MYH7: variants seen among roughly 807,000 people sequenced by gnomAD.
MYH7 encodes the protein myosin heavy chain 7.
A neutral mutation model predicts 225.4 loss-of-function variants in MYH7; 129 were observed. The ratio of observed to expected loss-of-function variants is 0.57; its 90% confidence interval spans 0.50 to 0.66. The LOEUF (loss-of-function observed/expected upper bound fraction) is 0.66, where lower values mean the gene tolerates loss of function less well. MYH7 is among the 30% of genes least tolerant of loss of function. The pLI is 0.00. For synonymous variants in MYH7, 971 were observed against 1,007.6 expected (o/e 0.96, Z 0.69); for missense variants, 1,649 against 2,517.0 (o/e 0.66, Z 7.38).
In MYH7 at chr14:23,425,223, T is replaced by C. The variant is rs1892646190; in HGVS notation, c.2423+59A>G. 1 of 1,613,902 alleles carries C rather than the reference T, an allele frequency of 6.2e-7. No homozygotes were observed. Among genetic ancestry groups the C allele is most frequent in the Non-Finnish European group, 8.5e-7 (1 of 1,179,878 alleles). The stretch of plus-strand genomic sequence containing the variant: ...TCTGCTGAGCTTTTTTTCCTGACAC[T>C]GCCCCTGAACCAGCCTGGGCCTCAG... On this transcript the variant is annotated intron_variant, in intron 21 of 39. Transcript: ENST00000355349. The surrounding 1 kb of genome is among the most constrained non-coding windows in gnomAD (Gnocchi z 4.6).
Position 23,433,844 on chromosome 14 carries a change from AG to A in MYH7, c.-8-105del. The A allele has an allele frequency of 8.6e-7, 1 of 1,158,340 alleles. No homozygotes were observed. The highest frequency in any genetic ancestry group is 1.3e-6 in the Non-Finnish European group (1 of 795,148). 71.8% of individuals were successfully genotyped at this position (1,158,340 alleles called of 1,614,324 possible). A position where few individuals can be genotyped will look rare whatever the true frequency, so the allele number is the denominator to read the frequency against. On this transcript the variant is annotated intron_variant, in intron 2 of 39. Transcript: ENST00000355349. The surrounding 1 kb of genome is among the most constrained non-coding windows in gnomAD (Gnocchi z 4.1). ...GCCCCAAAACCTAGCACCATGCTCA[AG>A]AGTCAAGAGGAGTTACCAGTGAGTC... is the stretch of plus-strand genomic sequence containing the variant.
chr14:23,432,933 C>G lies in MYH7; in HGVS notation c.346-138G>C. Reference sequence around the variant, plus strand: ...TGCACTCAATCTGAGTAATGCCAGTCCCCAGAGTGTTGGAATTGAACCAAG... The same window carrying G: ...TGCACTCAATCTGAGTAATGCCAGTGCCCAGAGTGTTGGAATTGAACCAAG... On this transcript the variant is annotated intron_variant, in intron 4 of 39. Coordinates refer to ENST00000355349, the MANE Select transcript of MYH7 (RefSeq NM_000257.4). The G allele has an allele frequency of 3.4e-6, 5 of 1,485,226 alleles. No homozygotes were observed. The South Asian group carries it at 4.7e-5, about 14-fold the overall frequency. The allele number at this position is 1,485,226 out of a possible 1,614,324, so 92.0% of individuals were successfully genotyped here. A position where few individuals can be genotyped will look rare whatever the true frequency, so the allele number is the denominator to read the frequency against.
chr14:23,414,083 T>C lies in MYH7; in HGVS notation c.5579A>G (p.Asn1860Ser). The change falls in exon 38 of 40, where the codon AAC becomes AGC. Residue 1860 changes from asparagine (N) to serine (S), a missense_variant. Asn to Ser is a conservative substitution (Grantham distance 46). This residue lies in a region of MYH7 where 687 missense variants were observed against 913.8 expected (regional missense o/e 0.75). Coordinates refer to ENST00000355349, the MANE Select transcript of MYH7 (RefSeq NM_000257.4). ...LTYQTEEDRKNLLRLQDLVDK... is the reference protein window; with the variant it reads ...LTYQTEEDRKSLLRLQDLVDK... ...TACCAGGTCCTGCAGCCGCAGCAGG[T>C]TTTTCCTGTCCTCCTCCGTCTGGGG... 6.2e-7 allele frequency: 1 copy of C among 1,613,164 alleles called. No homozygotes were observed. The highest frequency in any genetic ancestry group is 8.5e-7 in the Non-Finnish European group (1 of 1,179,972).
intron 11 of MYH7, among the ~76,000 whole-genome samples, chr14:23,430,359 G>A (rs1165716553): frequency 6.6e-6 from 1 of 152,106 alleles, no homozygotes; most frequent in Non-Finnish European, 1.5e-5. Flanking sequence ...TTCCTGGTTT[G>A]ATAGAACACC....
Position 23,415,247 on chromosome 14 carries a change from C to T in MYH7, c.5307G>A (p.Leu1769=). ...GGGCGCTGGTGTCCTGCTCCTTCTT[C>T]AGCTCCTCTGCCATCATGGCGGCCT... ...ITDAAMMAEE[L]KKEQDTSAHL... is the part of the protein sequence containing the mutation. Residue 1769 remains leucine, a synonymous_variant, in exon 37 of 40, where the codon CTG becomes CTA. Coordinates refer to ENST00000355349, the MANE Select transcript of MYH7 (RefSeq NM_000257.4). This position sits in a 1 kb window ranked among gnomAD's most constrained non-coding sequence, Gnocchi z 6.3. 6.2e-7 allele frequency: 1 copy of T among 1,614,274 alleles called. No individual in the cohort carries two copies. Among genetic ancestry groups the T allele is most frequent in the Non-Finnish European group, 8.5e-7 (1 of 1,180,054 alleles).
rs1326507251 is a variant in MYH7, at chr14:23,433,843, A to G, written c.-8-103T>C. The G allele has an allele frequency of 8.7e-7, 1 of 1,152,142 alleles. No homozygotes were observed. Among genetic ancestry groups the G allele is most frequent in the Admixed American group, 1.9e-5 (1 of 51,750 alleles). The allele number at this position is 1,152,142 out of a possible 1,614,324, so 71.4% of individuals were successfully genotyped here. A position where few individuals can be genotyped will look rare whatever the true frequency, so the allele number is the denominator to read the frequency against. ...AGCCCCAAAACCTAGCACCATGCTC[A>G]AGAGTCAAGAGGAGTTACCAGTGAG... On this transcript the variant is annotated intron_variant, in intron 2 of 39. Transcript: ENST00000355349. This position sits in a 1 kb window ranked among gnomAD's most constrained non-coding sequence, Gnocchi z 4.1.
At chr14:23,421,308 C>T (rs911157490) in intron 25 of MYH7, among the ~76,000 whole-genome samples, 1 of 152,150 alleles carries the variant, frequency 6.6e-6, no homozygotes, top group Non-Finnish European at 1.5e-5. Flanking sequence ...TCCTTGTTTT[C>T]TCATAATGTA....
intron 22 of MYH7, 70 bp downstream of exon 22, chr14:23,424,699 G>A: frequency 1.9e-6 from 3 of 1,607,582 alleles, no homozygotes; most frequent in East Asian, 2.2e-5. Context: ...CCCTGTGCAG[G>A]GAGGTGCAGG....
chr14:23,428,435 A>G, intron 15 of MYH7, 65 bp downstream of exon 15: 4 of 1,609,598 alleles, frequency 2.5e-6, no homozygotes, highest in Non-Finnish European at 3.4e-6. Context: ...AGGGGCTGCT[A>G]TTTTGTCTAT....
At position 23,415,477 on chromosome 14, in the gene MYH7, C is replaced by A. The variant is rs780076678; in HGVS notation, c.5187G>T (p.Lys1729Asn). 2 of 1,614,224 alleles carry A rather than the reference C, an allele frequency of 1.2e-6. No individual in the cohort carries two copies. Among genetic ancestry groups the A allele is most frequent in the Non-Finnish European group, 1.7e-6 (2 of 1,180,050 alleles). Reference protein sequence around the residue: ...QNTSLINQKKKMDADLSQLQT... With the variant: ...QNTSLINQKKNMDADLSQLQT... ...GGAGCTGGGACAGGTCAGCATCCAT[C>A]TTCTTCTTCTGGTTGATGAGGCTGG... is the stretch of plus-strand genomic sequence containing the variant. The change falls in exon 36 of 40, where the codon AAG becomes AAT. Residue 1729 changes from lysine to asparagine, a missense_variant. Coordinates refer to ENST00000355349, the MANE Select transcript of MYH7 (RefSeq NM_000257.4). This position sits in a 1 kb window ranked among gnomAD's most constrained non-coding sequence, Gnocchi z 6.3.
chr14:23,434,466 A>G (rs546125273), intron 1 of MYH7, among the ~76,000 whole-genome samples: 1 of 152,138 alleles, frequency 6.6e-6, no homozygotes, highest in East Asian at 1.9e-4. Context: ...TGTCAACTCA[A>G]CCTGAACCCT....
intron 15 of MYH7, 83 bp from the exon 16 acceptor site, chr14:23,427,977 G>A (rs750678869): frequency 1.9e-5 from 30 of 1,551,900 alleles, no homozygotes; most frequent in East Asian, 9.0e-5. Flanking sequence ...ATACTTGCTC[G>A]TGGAGGTGCC....
At chr14:23,430,037 C>T in intron 11 of MYH7, 124 bp from the exon 12 acceptor site, 1 of 1,123,320 alleles carries the variant, frequency 8.9e-7, no homozygotes, top group Admixed American at 2.0e-5. Context: ...CTCCCATACC[C>T]AGTGGGGAGC....
intron 22 of MYH7, 31 bp downstream of exon 22, chr14:23,424,738 G>A: frequency 6.2e-7 from 1 of 1,613,042 alleles, no homozygotes; most frequent in Non-Finnish European, 8.5e-7. Flanking sequence ...AGAGCAGGGT[G>A]GAAGAGCCAA....
chr14:23,422,267 C>T lies in MYH7; in HGVS notation c.3158G>A (p.Arg1053Gln), dbSNP rs587782962. 2.0e-5 allele frequency: 33 copies of T among 1,613,984 alleles called. No individual in the cohort carries two copies. The highest frequency in any genetic ancestry group is 1.3e-5 in the African/African-American group (1 of 74,894). ...KVRMDLERAK[R>Q]KLEGDLKLTQ... ...CAGCTTCAGGTCGCCCTCCAGCTTC[C>T]GCTTCGCTCGCTCCAGGTCCATGCG... is the stretch of plus-strand genomic sequence containing the variant. The change falls in exon 25 of 40, where the codon CGG (arginine) becomes CAG (glutamine). Residue 1053 changes from arginine (R) to glutamine (Q), a missense_variant. Around this residue, in one of 12 missense-constraint regions of MYH7, gnomAD observed 282 missense variants for 315.3 expected, o/e 0.89. Coordinates refer to ENST00000355349, the MANE Select transcript of MYH7 (RefSeq NM_000257.4).
rs1207294043 is a variant in MYH7, at chr14:23,424,131, C to CAT, written c.2697_2698insAT (p.Asp900MetfsTer10). On this transcript the variant is annotated frameshift_variant, in exon 23 of 40. Coordinates refer to ENST00000355349, the MANE Select transcript of MYH7 (RefSeq NM_000257.4). LOFTEE classifies it high-confidence loss of function. Reference sequence around the variant, plus strand: ...AGCTGATCACAGCGCTCCTCAGCATCTGCCAGGTTGTCTTGTTCCTGAAGG... The same window carrying CAT: ...AGCTGATCACAGCGCTCCTCAGCATCATTGCCAGGTTGTCTTGTTCCTGAAGG... The CAT allele has an allele frequency of 6.2e-7, 1 of 1,614,230 alleles. No individual in the cohort carries two copies. Among genetic ancestry groups the CAT allele is most frequent in the Admixed American group, 1.7e-5 (1 of 60,034 alleles).
In MYH7 at chr14:23,414,656, G is replaced by A. The variant is rs59681070; in HGVS notation, c.5559+339C>T. On this transcript the variant is annotated intron_variant, in intron 37 of 39. Transcript: ENST00000355349. ...AAAAAGTTTTTATGCTTGTTTGAAT[G>A]GGATGGGTGTGTTTTTGGTGTCTTT... 2.9e-3 allele frequency among the ~76,000 whole-genome samples: 435 copies of A among 152,278 alleles called. 3 individuals are homozygous for A. The highest frequency in any genetic ancestry group is 0.01 in the African/African-American group (420 of 41,548).
In MYH7 at chr14:23,420,143, A is replaced by C. The variant is rs1479746343; in HGVS notation, c.3428T>G (p.Leu1143Arg). 6.9e-6 allele frequency: 11 copies of C among 1,604,366 alleles called. No individual in the cohort carries two copies. Among genetic ancestry groups the C allele is most frequent in the Non-Finnish European group, 9.3e-6 (11 of 1,177,944 alleles). The change falls in exon 27 of 40, where the codon CTG (leucine) becomes CGG (arginine). Residue 1143 changes from leucine (L) to arginine (R), a missense_variant. Coordinates refer to ENST00000355349, the MANE Select transcript of MYH7 (RefSeq NM_000257.4). The stretch of plus-strand genomic sequence containing the variant: ...TTCCAGCCGCTCGCTGATCTCCTCC[A>C]GCTCCCGAGACAGGTCTGAGCGCAG... ...EKLRSDLSRE[L>R]EEISERLEEA...
At chr14:23,412,965 G>A (rs1433595059) in intron 39 of MYH7, 94 bp from the exon 40 acceptor site, 1 of 1,321,566 alleles carries the variant, frequency 7.6e-7, no homozygotes, top group Non-Finnish European at 1.1e-6. Flanking sequence ...GTCTGATGGT[G>A]GGGGGCCTGC....
Sources: gnomAD v4.1 joint callset for allele counts (sites outside exome capture counted in the v4.1 genomes callset) on GRCh38, gnomAD v4.1.1 for gene constraint, gnomAD v4.1.1 regional missense constraint, Gnocchi (gnomAD v3.1) non-coding constraint, MANE v1.5 for transcripts, NCBI Gene and HGNC (gene_info 2026-07-23, HGNC 2026-07-21) for gene names.